Variants in ADK observed in about 807,000 individuals in gnomAD.
The protein encoded by ADK is N6,N6-dimethyladenosine kinase.
Under a neutral mutation model 44.7 loss-of-function variants are expected in ADK, and 24 were observed. That is an observed-to-expected ratio of 0.54 (90% confidence interval 0.39 to 0.76). ADK has a LOEUF of 0.76. Among genes scored for constraint, ADK ranks in the 30% least tolerant of loss-of-function variants. The probability of loss-of-function intolerance (pLI) is 0.00; values close to 1 mark genes in which losing one functional copy is unlikely to be tolerated. For missense variants in ADK, 321 were observed against 425.1 expected (o/e 0.76, Z 2.15); for synonymous variants, 128 against 142.6 (o/e 0.90, Z 0.73).
At chr10:74,377,840 C>T (rs980373879) in intron 4 of ADK, among the ~76,000 whole-genome samples, 8 of 152,142 alleles carry the variant, frequency 5.3e-5, no homozygotes, top group Non-Finnish European at 7.4e-5. Context: ...CGGGAAACTT[C>T]GTTTTTAAAG....
chr10:74,617,899 T>C (rs1030370944), intron 9 of ADK, among the ~76,000 whole-genome samples: 2 of 152,184 alleles, frequency 1.3e-5, no homozygotes, highest in Non-Finnish European at 2.9e-5. Context: ...CCTTGCTTTA[T>C]GTATTTTAAA....
intron 4 of ADK, among the ~76,000 whole-genome samples, chr10:74,383,284 A>G (rs72818557): frequency 0.018 from 2,680 of 152,306 alleles, 38 homozygotes; most frequent in Non-Finnish European, 0.022. Context: ...AGGAAATACT[A>G]TATCTTTAGA....
At chr10:74,606,365 C>T (rs1221159362) in intron 9 of ADK, among the ~76,000 whole-genome samples, 1 of 152,182 alleles carries the variant, frequency 6.6e-6, no homozygotes, top group African/African-American at 2.4e-5. Context: ...CCCGCTTTCT[C>T]CTGTGGGCAT....
At chr10:74,355,313 T>C (rs1398651773) in intron 4 of ADK, among the ~76,000 whole-genome samples, 1 of 152,234 alleles carries the variant, frequency 6.6e-6, no homozygotes, top group African/African-American at 2.4e-5. Flanking sequence ...TATGTATGTA[T>C]GTATAAGTTA....
At chr10:74,190,982 T>C (rs1337793441) in intron 1 of ADK, among the ~76,000 whole-genome samples, 1 of 32,044 alleles carries the variant, frequency 3.1e-5, no homozygotes, top group Non-Finnish European at 1.2e-4. Flanking sequence ...TATTTTTGAC[T>C]TTTTTTTTTT....
intron 1 of ADK, chr10:74,174,313 C>CAAAAAAAAAAAAAAAA: frequency 4.8e-5 from 1 of 20,708 alleles, no homozygotes; most frequent in Non-Finnish European, 1.0e-4. Flanking sequence ...GACTCCATCT[C>CAAAAAAAAAAAAAAAA]AAAAAAAAAA....
chr10:74,201,732 A>ATC (rs1564589600), intron 2 of ADK, among the ~76,000 whole-genome samples: 17 of 145,378 alleles, frequency 1.2e-4, no homozygotes, highest in African/African-American at 3.9e-4. Context: ...ATCTATCTAT[A>ATC]TATGGTTCAG....
chr10:74,554,783 T>TTA (rs1850175976), intron 7 of ADK, among the ~76,000 whole-genome samples: 1 of 137,928 alleles, frequency 7.3e-6, no homozygotes, highest in Non-Finnish European at 1.6e-5. Flanking sequence ...TGTCTCTATT[T>TTA]AAAAAAAAAA....
At chr10:74,269,112 T>C (rs1391077415) in intron 3 of ADK, among the ~76,000 whole-genome samples, 2 of 152,208 alleles carry the variant, frequency 1.3e-5, no homozygotes, top group Non-Finnish European at 2.9e-5. Context: ...CATTCATCTT[T>C]ATTAGAAAAT....
chr10:74,508,558 G>A (rs981553721), intron 6 of ADK: 1 of 152,162 alleles, frequency 6.6e-6, no homozygotes, highest in Non-Finnish European at 1.5e-5. Context: ...GTAAAGCCTA[G>A]TAAAGTTAAT....
intron 6 of ADK, among the ~76,000 whole-genome samples, chr10:74,466,089 G>A (rs1415220461): frequency 6.6e-6 from 1 of 151,846 alleles, no homozygotes; most frequent in African/African-American, 2.4e-5. Context: ...TAATATATTC[G>A]TATCCCTCTT....
chr10:74,405,559 G>A lies in ADK; in HGVS notation c.555+6980G>A, dbSNP rs1033786253. On this transcript the variant is annotated intron_variant, in intron 6 of 10. Transcript: ENST00000539909. ...ATATGTATACATGTGCCATGTTGGTGTGCTGCACCCAGCAGAGGATTCTTA... is the reference window on the plus strand; with the variant it reads ...ATATGTATACATGTGCCATGTTGGTATGCTGCACCCAGCAGAGGATTCTTA... Among the ~76,000 whole-genome samples the A allele has an allele frequency of 3.9e-5, 6 of 151,916 alleles. No individual in the cohort carries two copies. In the South Asian group the frequency reaches 1.2e-3, roughly 32 times the overall value.
At chr10:74,311,592 A>G (rs1372375269) in intron 3 of ADK, among the ~76,000 whole-genome samples, 2 of 152,258 alleles carry the variant, frequency 1.3e-5, no homozygotes, top group African/African-American at 2.4e-5. Context: ...TTAAAAACAC[A>G]TAAATCATTG....
intron 4 of ADK, among the ~76,000 whole-genome samples, chr10:74,374,524 C>A (rs183625356): frequency 8.9e-4 from 136 of 152,192 alleles, no homozygotes; most frequent in Non-Finnish European, 1.5e-3. Context: ...GAGTTTTACA[C>A]GATCATAATT....
At position 74,341,364 on chromosome 10, in the gene ADK, C is replaced by CAAA. The variant is rs35746333; in HGVS notation, c.273+26629_273+26631dup. Among the ~76,000 whole-genome samples, 324 of 141,876 alleles carry CAAA rather than the reference C, an allele frequency of 2.3e-3. 2 individuals are homozygous for CAAA. Among genetic ancestry groups the CAAA allele is most frequent in the African/African-American group, 7.8e-3 (306 of 39,016 alleles). 93.1% of individuals were successfully genotyped at this position (141,876 alleles called of 152,430 possible). On this transcript the variant is annotated intron_variant, in intron 4 of 10. Coordinates refer to ENST00000539909, the MANE Select transcript of ADK (RefSeq NM_006721.4). ...TGAAACCCTGTCTCTACTAAAAATA[C>CAAA]AAAAAAAAAAAATTAGCTGGGTGTG...
intron 6 of ADK, among the ~76,000 whole-genome samples, chr10:74,473,333 TCTC>T (rs776778877): frequency 1.2e-4 from 18 of 152,156 alleles, no homozygotes; most frequent in Non-Finnish European, 2.6e-4. Context: ...TCACCTAGCT[TCTC>T]CTAATATTAA....
intron 7 of ADK, among the ~76,000 whole-genome samples, chr10:74,554,725 G>T (rs1036783141): frequency 5.3e-5 from 8 of 150,160 alleles, no homozygotes; most frequent in African/African-American, 2.0e-4. Flanking sequence ...CAGATGGATC[G>T]CTTGAGCTCA....
chr10:74,529,927 C>G (rs565553960), intron 7 of ADK, among the ~76,000 whole-genome samples: 1 of 152,020 alleles, frequency 6.6e-6, no homozygotes, highest in Non-Finnish European at 1.5e-5. Context: ...TCTAGGGGTA[C>G]GCCTCAGTGT....
At chr10:74,281,198 T>C (rs1216177786) in intron 3 of ADK, among the ~76,000 whole-genome samples, 1 of 152,270 alleles carries the variant, frequency 6.6e-6, no homozygotes, top group Non-Finnish European at 1.5e-5. Context: ...GATGCTTTAC[T>C]TTTGATAATG....
Sources: allele counts gnomAD v4.1 joint callset (sites outside exome capture counted in the v4.1 genomes callset), GRCh38; gene constraint gnomAD v4.1.1; transcripts MANE v1.5; gene names NCBI Gene and HGNC (gene_info 2026-07-23, HGNC 2026-07-21).